SFXN4: variants seen among roughly 807,000 people sequenced by gnomAD.
The protein encoded by SFXN4 is sideroflexin 4.
A neutral mutation model predicts 54.6 loss-of-function variants in SFXN4; 48 were observed. The observed-to-expected ratio is 0.88, with a 90% confidence interval of 0.70 to 1.12. The LOEUF (loss-of-function observed/expected upper bound fraction) is 1.12. Among genes scored for constraint, SFXN4 ranks in the 50% most tolerant of loss-of-function variants. The pLI is 0.00. For synonymous variants in SFXN4, 130 were observed against 145.5 expected (o/e 0.89, Z 0.77); for missense variants, 383 against 409.2 (o/e 0.94, Z 0.55).
chr10:119,142,922 C>T (rs981349742), intron 13 of SFXN4, among the ~76,000 whole-genome samples: 1 of 150,516 alleles, frequency 6.6e-6, no homozygotes, highest in African/African-American at 2.4e-5. Context: ...TTAGTAGAGA[C>T]GGGGTTTCAC....
At chr10:119,160,588 C>CTTT (rs1199404439) in intron 5 of SFXN4, among the ~76,000 whole-genome samples, 14 of 116,418 alleles carry the variant, frequency 1.2e-4, no homozygotes, top group Middle Eastern at 4.9e-3. Context: ...GTTTTCTTTT[C>CTTT]TTTTTTTTTT....
At chr10:119,141,408 CA>C in intron 13 of SFXN4, 89 bp from the exon 14 acceptor site, 1 of 702,656 alleles carries the variant, frequency 1.4e-6, no homozygotes, top group Non-Finnish European at 2.4e-6. Flanking sequence ...TGAAAGCAAC[CA>C]TTTCACAGTC....
At chr10:119,150,437 G>C (rs1847016757) in intron 11 of SFXN4, among the ~76,000 whole-genome samples, 1 of 152,116 alleles carries the variant, frequency 6.6e-6, no homozygotes, top group Non-Finnish European at 1.5e-5. Flanking sequence ...AGCGCTCTGG[G>C]AGGCCAAGGC....
chr10:119,160,975 A>G lies in SFXN4; in HGVS notation c.280-6T>C, dbSNP rs776022361. 1.9e-6 allele frequency: 3 copies of G among 1,614,212 alleles called. 1 individual carries two copies. The South Asian group carries it at 3.3e-5, about 18-fold the overall frequency. On this transcript the variant is annotated splice_polypyrimidine_tract_variant and splice_region_variant and intron_variant, in intron 4 of 13. Transcript: ENST00000355697. ...CTGTCGGGATGCACTGTTGCCTTCA[A>G]AAGGAGAGATGCAAGGTTAGCTGGA...
chr10:119,151,359 ACT>A (rs1847061521), intron 11 of SFXN4, among the ~76,000 whole-genome samples: 1 of 132,300 alleles, frequency 7.6e-6, no homozygotes, highest in Admixed American at 8.4e-5. Context: ...ACAGAGTGAG[ACT>A]CTGACTCAAA....
rs1176899168 is a variant in SFXN4, at chr10:119,161,104, C to T, written c.253-23G>A. 6.8e-6 allele frequency: 11 copies of T among 1,613,084 alleles called. No individual in the cohort carries two copies. In the South Asian group the frequency reaches 9.9e-5, roughly 15 times the overall value. On this transcript the variant is annotated intron_variant, in intron 3 of 13. Transcript: ENST00000355697. ...TATCTTAAAGGAGAAAAAAGAATAGCTTTGTTTCATTTTAAATTTTTTTTA... is the reference window on the plus strand; with the variant it reads ...TATCTTAAAGGAGAAAAAAGAATAGTTTTGTTTCATTTTAAATTTTTTTTA...
intron 12 of SFXN4, 42 bp downstream of exon 12, chr10:119,147,733 G>C: frequency 6.4e-7 from 1 of 1,559,694 alleles, no homozygotes; most frequent in Non-Finnish European, 8.8e-7. Context: ...ATAAGGATTT[G>C]ACTTTCAAAT....
chr10:119,149,513 G>A (rs1846964779), intron 11 of SFXN4, among the ~76,000 whole-genome samples: 1 of 152,164 alleles, frequency 6.6e-6, no homozygotes, highest in Non-Finnish European at 1.5e-5. Flanking sequence ...ACTTTGGGAG[G>A]CCAAGGTGGG....
intron 1 of SFXN4, 46 bp downstream of exon 1, chr10:119,165,491 G>A (rs1847732188): frequency 6.6e-7 from 1 of 1,513,144 alleles, no homozygotes; most frequent in African/African-American, 1.4e-5. Context: ...CACGCGGCCC[G>A]GCCCGCCCCC....
chr10:119,142,160 A>G (rs1846555339), intron 13 of SFXN4, among the ~76,000 whole-genome samples: 1 of 152,114 alleles, frequency 6.6e-6, no homozygotes, highest in South Asian at 2.1e-4. Flanking sequence ...TGATCATACC[A>G]CTGCCCTCCA....
At chr10:119,149,196 C>T (rs190770820) in intron 11 of SFXN4, among the ~76,000 whole-genome samples, 150 of 152,298 alleles carry the variant, frequency 9.8e-4, no homozygotes, top group African/African-American at 3.4e-3. Flanking sequence ...AAGACACACA[C>T]ACCACAAACA....
In SFXN4 at chr10:119,149,416, C is replaced by A. The variant is rs372147145; in HGVS notation, c.733-1556G>T. On this transcript the variant is annotated intron_variant, in intron 11 of 13. Transcript: ENST00000355697. Reference sequence around the variant, plus strand: ...CCCTCTGCAGGGAATGCCTTTCCCCCCCACAAAAGAGAGGAAGCCGAGGAG... The same window carrying A: ...CCCTCTGCAGGGAATGCCTTTCCCCACCACAAAAGAGAGGAAGCCGAGGAG... Among the ~76,000 whole-genome samples, 11 of 152,132 alleles carry A rather than the reference C, an allele frequency of 7.2e-5. No homozygotes were observed. The East Asian group carries it at 1.4e-3, about 19-fold the overall frequency.
intron 12 of SFXN4, among the ~76,000 whole-genome samples, chr10:119,147,446 T>G (rs1182153555): frequency 2.0e-5 from 3 of 152,162 alleles, no homozygotes; most frequent in Non-Finnish European, 2.9e-5. Context: ...TTGAGCAATA[T>G]TCACAGCACA....
chr10:119,164,274 T>TTTTG (rs1271760176), intron 1 of SFXN4, 78 bp from the exon 2 acceptor site: 2 of 903,564 alleles, frequency 2.2e-6, no homozygotes, highest in Non-Finnish European at 3.5e-6. Context: ...TTGGCTTTTT[T>TTTTG]TTTTTTTTTC....
chr10:119,146,396 C>T, intron 12 of SFXN4, 43 bp from the exon 13 acceptor site: 2 of 1,230,962 alleles, frequency 1.6e-6, no homozygotes, highest in African/African-American at 1.5e-5. Flanking sequence ...GTTAAACTAT[C>T]AGGGCTTATT....
At chr10:119,153,657 G>A (rs1308037551) in intron 11 of SFXN4, among the ~76,000 whole-genome samples, 1 of 152,162 alleles carries the variant, frequency 6.6e-6, no homozygotes, top group Non-Finnish European at 1.5e-5. Context: ...AGGCTGGGAG[G>A]GGAGTGGCCC....
intron 6 of SFXN4, 153 bp from the exon 7 acceptor site, chr10:119,158,215 G>A (rs1481117916): frequency 2.9e-6 from 2 of 699,780 alleles, no homozygotes; most frequent in African/African-American, 3.6e-5. Context: ...CCGGTCCGTA[G>A]ACAAGGTTGA....
intron 11 of SFXN4, among the ~76,000 whole-genome samples, chr10:119,154,574 G>A (rs1847202743): frequency 6.6e-6 from 1 of 152,184 alleles, no homozygotes; most frequent in Admixed American, 6.5e-5. Flanking sequence ...GCTCATGCCT[G>A]TAATCCTAGC....
intron 1 of SFXN4, 151 bp from the exon 2 acceptor site, chr10:119,164,347 C>T (rs767650114): frequency 1.8e-6 from 1 of 566,792 alleles, no homozygotes. Context: ...ATCCTCCCAA[C>T]CTCTCCAGGT....
Sources: gnomAD v4.1 joint callset for allele counts (sites outside exome capture counted in the v4.1 genomes callset) on GRCh38, gnomAD v4.1.1 for gene constraint, MANE v1.5 for transcripts, NCBI Gene and HGNC (gene_info 2026-07-23, HGNC 2026-07-21) for gene names.